ITGB4: variants seen among roughly 807,000 people sequenced by gnomAD.
The protein encoded by ITGB4 is integrin subunit beta 4, also known as integrin beta-4.
In ITGB4, 159 loss-of-function variants were observed where a neutral mutation model predicts 207.6. That is an observed-to-expected ratio of 0.77 (90% CI 0.67 to 0.87). The LOEUF (loss-of-function observed/expected upper bound fraction) is 0.87, where lower values mean the gene tolerates loss of function less well. Among genes scored for constraint, ITGB4 ranks in the 40% least tolerant of loss-of-function variants. The probability of loss-of-function intolerance (pLI) is 0.00; values close to 1 mark genes in which losing one functional copy is unlikely to be tolerated. For synonymous variants in ITGB4, 1,020 were observed against 1,062.7 expected (o/e 0.96, Z 0.78); for missense variants, 2,278 against 2,546.8 (o/e 0.89, Z 2.27).
chr17:75,727,897 G>T lies in ITGB4; in HGVS notation c.469+42G>T, dbSNP rs754225658. ...GTGGAGGACAGCAGGGCAGGAGGGG[G>T]ACAGGTGGGCGTCTGCTTGGGAGGC... On this transcript the variant is annotated intron_variant, in intron 5 of 39. Transcript: ENST00000200181. This position sits in a 1 kb window ranked among gnomAD's most constrained non-coding sequence, Gnocchi z 6.0. 3 of 1,589,410 alleles carry T rather than the reference G, an allele frequency of 1.9e-6. No individual in the cohort carries two copies.
In ITGB4 at chr17:75,723,458, C is replaced by A. The variant is rs530251921; in HGVS notation, c.-10-1236C>A. ...TGTATTGTGTAGCATGTGGGTGTGG[C>A]GGCTACACCCCGAGGCTGCAAGGAA... On this transcript the variant is annotated intron_variant, in intron 1 of 39. Transcript: ENST00000200181. Among the ~76,000 whole-genome samples the A allele has an allele frequency of 2.0e-5, 3 of 152,222 alleles. No individual in the cohort carries two copies. The East Asian group carries it at 5.8e-4, about 29-fold the overall frequency.
chr17:75,734,644 T>C (rs1252710680), intron 13 of ITGB4, among the ~76,000 whole-genome samples: 3 of 152,234 alleles, frequency 2.0e-5, no homozygotes, highest in African/African-American at 4.8e-5. Context: ...CAAATACTTA[T>C]GAAGCCCTCA....
rs780995540 is a variant in ITGB4, at chr17:75,753,791, C to G, written c.4135C>G (p.Leu1379Val). 8.2e-6 allele frequency: 12 copies of G among 1,457,846 alleles called. No homozygotes were observed. Among genetic ancestry groups the G allele is most frequent in the African/African-American group, 1.4e-5 (1 of 69,318 alleles). 90.3% of individuals were successfully genotyped at this position (1,457,846 alleles called of 1,614,324 possible). ...CTGCGGCTGGAAGTTCGAGCCCCTG[C>G]TGGGGGAGGAGCTGGACCTGCGGCG... ...TGCGWKFEPL[L>V]GEELDLRRVT... The change falls in exon 33 of 40, where the codon CTG becomes GTG. Residue 1379 changes from leucine (L) to valine (V), a missense_variant. By Grantham distance (32) the Leu-to-Val change is conservative. Coordinates refer to ENST00000200181, the MANE Select transcript of ITGB4 (RefSeq NM_000213.5).
chr17:75,736,965 C>T (rs2060992467), intron 16 of ITGB4, among the ~76,000 whole-genome samples: 1 of 152,082 alleles, frequency 6.6e-6, no homozygotes, highest in Non-Finnish European at 1.5e-5. Flanking sequence ...TGGGAGGCAC[C>T]TGACTTGGGC....
intron 26 of ITGB4, among the ~76,000 whole-genome samples, chr17:75,747,951 G>A (rs1254203178): frequency 1.3e-5 from 2 of 152,130 alleles, no homozygotes; most frequent in African/African-American, 2.4e-5. Context: ...CCCAGCCATC[G>A]CCCTGGCTGC....
chr17:75,755,968 C>T (rs990597944), intron 35 of ITGB4, 118 bp downstream of exon 35: 41 of 1,263,788 alleles, frequency 3.2e-5, no homozygotes, highest in East Asian at 3.0e-4. Context: ...AGCGCTAAAG[C>T]CCCCATCCAG....
At position 75,756,867 on chromosome 17, in the gene ITGB4, C is replaced by G; in HGVS notation, c.5053+8C>G. On this transcript the variant is annotated splice_region_variant and intron_variant, in intron 37 of 39. Transcript: ENST00000200181. ...AGATGGCCCAAGGAGGAGGTGCTGC[C>G]CACCCCGGGGGCAGGAGTGGCCAGG... The G allele has an allele frequency of 5.6e-6, 9 of 1,612,260 alleles. No individual in the cohort carries two copies. Among genetic ancestry groups the G allele is most frequent in the Non-Finnish European group, 7.6e-6 (9 of 1,179,944 alleles).
chr17:75,733,465 G>C, intron 12 of ITGB4, 25 bp from the exon 13 acceptor site: 1 of 1,606,476 alleles, frequency 6.2e-7, no homozygotes. Flanking sequence ...GGGCTGTTTC[G>C]GGGAATGACC....
Position 75,740,402 on chromosome 17 carries a change from A to G in ITGB4, c.2491A>G (p.Asn831Asp). The change falls in exon 21 of 40, where the codon AAC (asparagine) becomes GAC (aspartate). Residue 831 changes from asparagine (N) to aspartate (D), a missense_variant. Coordinates refer to ENST00000200181, the MANE Select transcript of ITGB4 (RefSeq NM_000213.5). This position sits in a 1 kb window ranked among gnomAD's most constrained non-coding sequence, Gnocchi z 5.9. ...SLRLARLCTE[N>D]LLKPDTRECA... is the part of the protein sequence containing the mutation. The stretch of plus-strand genomic sequence containing the variant: ...GCGCCTGGCCCGCCTTTGCACCGAG[A>G]ACCTGCTGAAGCCTGACACTCGGGA... 1 of 1,613,854 alleles carries G rather than the reference A, an allele frequency of 6.2e-7. No homozygotes were observed.
At position 75,756,589 on chromosome 17, in the gene ITGB4, C is replaced by T; in HGVS notation, c.4869C>T (p.His1623=). 1 of 1,612,882 alleles carries T rather than the reference C, an allele frequency of 6.2e-7. No individual in the cohort carries two copies. Among genetic ancestry groups the T allele is most frequent in the Non-Finnish European group, 8.5e-7 (1 of 1,179,968 alleles). The change falls in exon 36 of 40, where the codon CAC becomes CAT. Residue 1623 remains histidine, a synonymous_variant. Coordinates refer to ENST00000200181, the MANE Select transcript of ITGB4 (RefSeq NM_000213.5). ...TCATCACCATTGAATCCCAGGTGCA[C>T]CCGCAGAGCCCACTGTGTCCCCTGC... The part of the protein sequence containing the change: ...EGVITIESQV[H]PQSPLCPLPG...
Position 75,740,680 on chromosome 17 carries a change from C to A in ITGB4, c.2551-113C>A. 1.6e-6 allele frequency: 2 copies of A among 1,274,304 alleles called. No individual in the cohort carries two copies. Among genetic ancestry groups the A allele is most frequent in the Non-Finnish European group, 2.3e-6 (2 of 877,148 alleles). 78.9% of individuals were successfully genotyped at this position (1,274,304 alleles called of 1,614,324 possible). A position where few individuals can be genotyped will look rare whatever the true frequency, so the allele number is the denominator to read the frequency against. Reference sequence around the variant, plus strand: ...TGCTGCCCCACGGGGCATGCCCCAGCCAACCCTGAGGATCTCTGGGTACAG... The same window carrying A: ...TGCTGCCCCACGGGGCATGCCCCAGACAACCCTGAGGATCTCTGGGTACAG... On this transcript the variant is annotated intron_variant, in intron 21 of 39. Transcript: ENST00000200181. The surrounding 1 kb of genome is among the most constrained non-coding windows in gnomAD (Gnocchi z 5.9).
chr17:75,731,207 C>T lies in ITGB4; in HGVS notation c.1093-39C>T, dbSNP rs779901316. On this transcript the variant is annotated intron_variant, in intron 9 of 39. Transcript: ENST00000200181. This position sits in a 1 kb window ranked among gnomAD's most constrained non-coding sequence, Gnocchi z 6.8. Reference sequence around the variant, plus strand: ...TGGAGGTTGGGGTGGAGCACAGAGGCCCCCCACAGAGCACTGATCAACCTC... The same window carrying T: ...TGGAGGTTGGGGTGGAGCACAGAGGTCCCCCACAGAGCACTGATCAACCTC... 4 of 1,612,738 alleles carry T rather than the reference C, an allele frequency of 2.5e-6. No homozygotes were observed. In the Admixed American group the frequency reaches 5.0e-5, roughly 20 times the overall value.
chr17:75,726,463 A>G (rs528163420), intron 2 of ITGB4, among the ~76,000 whole-genome samples: 1 of 151,070 alleles, frequency 6.6e-6, no homozygotes, highest in South Asian at 2.1e-4. Context: ...TGGGCACAGT[A>G]GCTCACGCCT....
intron 30 of ITGB4, 74 bp from the exon 31 acceptor site, chr17:75,752,100 C>T: frequency 6.6e-7 from 1 of 1,506,024 alleles, no homozygotes; most frequent in African/African-American, 1.4e-5. Context: ...GCACGGCCGT[C>T]CTGCTGTGTC....
intron 12 of ITGB4, 70 bp from the exon 13 acceptor site, chr17:75,733,420 T>C (rs980830286): frequency 4.1e-6 from 5 of 1,228,144 alleles, no homozygotes; most frequent in East Asian, 5.0e-5. Flanking sequence ...TTAAATTAAA[T>C]TAAATGGGAC....
At chr17:75,748,788 C>G (rs2061293561) in intron 26 of ITGB4, 53 bp from the exon 27 acceptor site, 2 of 1,427,618 alleles carry the variant, frequency 1.4e-6, no homozygotes, top group Non-Finnish European at 1.9e-6. Flanking sequence ...GTGGCCATGA[C>G]TCTTGCCTCA....
At chr17:75,724,571 G>A (rs563798114) in intron 1 of ITGB4, 123 bp from the exon 2 acceptor site, 5 of 807,024 alleles carry the variant, frequency 6.2e-6, no homozygotes, top group African/African-American at 5.0e-5. Flanking sequence ...CTGGCGGCTG[G>A]GCGCCCTTGG....
chr17:75,734,022 G>A (rs781600368), intron 13 of ITGB4, among the ~76,000 whole-genome samples: 44 of 151,588 alleles, frequency 2.9e-4, no homozygotes, highest in Non-Finnish European at 5.7e-4. Context: ...TAGAGTGGGT[G>A]CCACCCAGCT....
chr17:75,740,325 TC>T lies in ITGB4; in HGVS notation c.2447-31del, dbSNP rs758265208. 6.4e-7 allele frequency: 1 copy of T among 1,558,860 alleles called. No individual in the cohort carries two copies. The highest frequency in any genetic ancestry group is 1.9e-4 in the Middle Eastern group (1 of 5,306). On this transcript the variant is annotated intron_variant, in intron 20 of 39. Transcript: ENST00000200181. The surrounding 1 kb of genome is among the most constrained non-coding windows in gnomAD (Gnocchi z 5.9). The stretch of plus-strand genomic sequence containing the variant: ...CCTGTCATGCAGGGGGCTGACCACC[TC>T]CATCTCACCCCCTCCCACCGCCTTT...
Sources: gnomAD v4.1 joint callset for allele counts (sites outside exome capture counted in the v4.1 genomes callset) on GRCh38, gnomAD v4.1.1 for gene constraint, Gnocchi (gnomAD v3.1) non-coding constraint, MANE v1.5 for transcripts, NCBI Gene and HGNC (gene_info 2026-07-23, HGNC 2026-07-21) for gene names.